GNA12: variants seen among roughly 807,000 people sequenced by gnomAD.
The protein encoded by GNA12 is G protein subunit alpha 12, also known as guanine nucleotide-binding protein subunit alpha-12.
Under a neutral mutation model 26.0 loss-of-function variants are expected in GNA12, and 9 were observed. The ratio of observed to expected loss-of-function variants is 0.35; its 90% CI spans 0.21 to 0.60. The LOEUF is 0.60. Ranked by LOEUF, GNA12 falls within the 20% of genes least tolerant of loss-of-function variation. The pLI, the probability that GNA12 is intolerant of heterozygous loss-of-function variation, is 0.78. For missense variants in GNA12, 405 were observed against 525.8 expected (o/e 0.77, Z 2.25); for synonymous variants, 264 against 219.6 (o/e 1.20, Z -1.79).
chr7:2,785,978 A>G (rs1446857278), intron 2 of GNA12, among the ~76,000 whole-genome samples: 2 of 152,262 alleles, frequency 1.3e-5, no homozygotes, highest in Admixed American at 1.3e-4. Flanking sequence ...GAGGCAGGAC[A>G]ATCGCTTGAA....
chr7:2,783,799 C>A (rs1792294035), intron 2 of GNA12, among the ~76,000 whole-genome samples: 1 of 151,958 alleles, frequency 6.6e-6, no homozygotes, highest in Admixed American at 6.6e-5. Context: ...ATTCTCTTGC[C>A]TCAGCCTCCC....
chr7:2,764,220 G>A (rs568062753), intron 2 of GNA12, among the ~76,000 whole-genome samples: 4 of 151,008 alleles, frequency 2.6e-5, no homozygotes, highest in East Asian at 3.9e-4. Flanking sequence ...CCACGGGCAC[G>A]TGCCACCTAT....
chr7:2,790,437 T>C (rs911067729), intron 2 of GNA12, among the ~76,000 whole-genome samples: 3 of 152,250 alleles, frequency 2.0e-5, no homozygotes, highest in African/African-American at 7.2e-5. Flanking sequence ...TCTTACCACA[T>C]TTATAACAAT....
intron 2 of GNA12, among the ~76,000 whole-genome samples, chr7:2,747,463 A>C (rs1790822445): frequency 6.6e-6 from 1 of 152,250 alleles, no homozygotes; most frequent in Non-Finnish European, 1.5e-5. Context: ...CTTTGACAAA[A>C]TTCAACAACC....
chr7:2,843,837 G>C lies in GNA12; in HGVS notation c.309+16C>G, dbSNP rs1453491524. The C allele has an allele frequency of 4.2e-6, 6 of 1,424,904 alleles. No individual in the cohort carries two copies. In the South Asian group the frequency reaches 7.0e-5, roughly 17 times the overall value. The allele number at this position is 1,424,904 out of a possible 1,614,324, so 88.3% of individuals were successfully genotyped here. ...GCCCACCTGGGTGCAGGTGCTGGGC[G>C]GGGGGCGCGCGTCACCTTGAGGATG... On this transcript the variant is annotated intron_variant, in intron 1 of 3. Transcript: ENST00000275364.
At chr7:2,746,546 A>G (rs2115347279) in intron 2 of GNA12, among the ~76,000 whole-genome samples, 1 of 152,328 alleles carries the variant, frequency 6.6e-6, no homozygotes, top group East Asian at 1.9e-4. Flanking sequence ...TATAGCACTA[A>G]ATGCCCACAA....
chr7:2,798,339 C>A (rs984257726), intron 1 of GNA12, among the ~76,000 whole-genome samples: 3 of 152,136 alleles, frequency 2.0e-5, no homozygotes, highest in African/African-American at 7.2e-5. Flanking sequence ...AGAATAGTTG[C>A]AGGATATAAT....
chr7:2,752,655 C>T (rs1049823191), intron 2 of GNA12, among the ~76,000 whole-genome samples: 1 of 152,138 alleles, frequency 6.6e-6, no homozygotes, highest in Non-Finnish European at 1.5e-5. Flanking sequence ...TACATACTGC[C>T]AATAACCCAA....
At chr7:2,772,813 T>C (rs1334616777) in intron 2 of GNA12, among the ~76,000 whole-genome samples, 1 of 152,144 alleles carries the variant, frequency 6.6e-6, no homozygotes, top group African/African-American at 2.4e-5. Flanking sequence ...AATCAGTGCA[T>C]ATATCCATTA....
At chr7:2,791,198 G>A (rs1238671819) in intron 2 of GNA12, among the ~76,000 whole-genome samples, 1 of 152,096 alleles carries the variant, frequency 6.6e-6, no homozygotes, top group Non-Finnish European at 1.5e-5. Flanking sequence ...TCTTTCTGTT[G>A]AGCATCCTGC....
intron 1 of GNA12, chr7:2,814,354 G>A: frequency 6.2e-7 from 1 of 1,604,424 alleles, no homozygotes; most frequent in African/African-American, 1.3e-5. Context: ...CAAAACGGCA[G>A]CACTTTCGGT....
At position 2,831,459 on chromosome 7, in the gene GNA12, AGTGGCGCG is replaced by A. The variant is rs1156463528; in HGVS notation, c.309+12386_309+12393del. Among the ~76,000 whole-genome samples, 13 of 86,708 alleles carry A rather than the reference AGTGGCGCG, an allele frequency of 1.5e-4. No homozygotes were observed. In the East Asian group the frequency reaches 3.1e-3, roughly 21 times the overall value. The allele number at this position is 86,708 out of a possible 152,430, so 56.9% of individuals were successfully genotyped here. ...CACTCTGTCGCCCAGGCTGGAGTGC[AGTGGCGCG>A]ATCTCTGCTCACTGCAAACTACACC... On this transcript the variant is annotated intron_variant, in intron 1 of 3. Coordinates refer to ENST00000275364, the MANE Select transcript of GNA12 (RefSeq NM_007353.3).
chr7:2,771,987 C>T lies in GNA12; in HGVS notation c.525+22941G>A, dbSNP rs542474052. Among the ~76,000 whole-genome samples, 21 of 152,306 alleles carry T rather than the reference C, an allele frequency of 1.4e-4. No individual in the cohort carries two copies. The South Asian group carries it at 4.3e-3, about 32-fold the overall frequency. ...AGCCTCCTAGGAGAGCATGTGGTGT[C>T]TCACCACGGTGTTCAACTGCATGTG... is the stretch of plus-strand genomic sequence containing the variant. On this transcript the variant is annotated intron_variant, in intron 2 of 3. Coordinates refer to ENST00000275364, the MANE Select transcript of GNA12 (RefSeq NM_007353.3).
At chr7:2,743,946 C>T (rs934446326) in intron 2 of GNA12, among the ~76,000 whole-genome samples, 3 of 152,118 alleles carry the variant, frequency 2.0e-5, no homozygotes, top group African/African-American at 4.8e-5. Context: ...TGAGATCAAA[C>T]TGCAAGGCAG....
chr7:2,780,051 C>CATACATATATATATATATAT (rs1554259630), intron 2 of GNA12, among the ~76,000 whole-genome samples: 1 of 62,208 alleles, frequency 1.6e-5, no homozygotes, highest in African/African-American at 5.7e-5. Flanking sequence ...TTTCTGTGTA[C>CATACATATATATATATATAT]ATATATATAT....
intron 1 of GNA12, among the ~76,000 whole-genome samples, chr7:2,819,669 A>G (rs1304276734): frequency 6.6e-6 from 1 of 152,226 alleles, no homozygotes; most frequent in Non-Finnish European, 1.5e-5. Flanking sequence ...AAGCACATGA[A>G]AAGATGCTAT....
At chr7:2,835,927 T>A in intron 1 of GNA12, 1 of 534,538 alleles carries the variant, frequency 1.9e-6, no homozygotes, top group Non-Finnish European at 3.6e-6. Flanking sequence ...CGCCTTAGAA[T>A]CCAAAGTCGA....
intron 1 of GNA12, among the ~76,000 whole-genome samples, chr7:2,798,974 G>A (rs1307519957): frequency 1.3e-5 from 2 of 150,896 alleles, no homozygotes; most frequent in Non-Finnish European, 3.0e-5. Context: ...GGGGGAGGGG[G>A]TGGGGAAGAA....
At chr7:2,746,668 CA>C (rs1790777070) in intron 2 of GNA12, among the ~76,000 whole-genome samples, 2 of 152,092 alleles carry the variant, frequency 1.3e-5, no homozygotes, top group South Asian at 4.1e-4. Context: ...TAACTAAGAT[CA>C]GAGCAGAACT....
Sources: gnomAD v4.1 joint callset for allele counts (sites outside exome capture counted in the v4.1 genomes callset) on GRCh38, gnomAD v4.1.1 for gene constraint, MANE v1.5 for transcripts, NCBI Gene and HGNC (gene_info 2026-07-23, HGNC 2026-07-21) for gene names.